The following ANO4 variants were observed in gnomAD, a reference collection of about 807,000 sequenced individuals.
The protein encoded by ANO4 is anoctamin 4, also known as anoctamin-4.
In ANO4, 69 loss-of-function variants were observed where a neutral mutation model predicts 141.9. The ratio of observed to expected loss-of-function variants is 0.49; its 90% CI spans 0.40 to 0.59. The LOEUF (loss-of-function observed/expected upper bound fraction) is 0.59. Ranked by LOEUF, ANO4 falls within the 20% of genes least tolerant of loss-of-function variation. The pLI, the probability that ANO4 is intolerant of heterozygous loss-of-function variation, is 0.00. For missense variants in ANO4, 894 were observed against 1,162.2 expected, an observed-to-expected ratio of 0.77 and a Z score of 3.36; for synonymous variants, 350 against 394.3, an observed-to-expected ratio of 0.89 and a Z score of 1.33.
chr12:100,898,556 A>AT (rs2040447593), intron 1 of ANO4, among the ~76,000 whole-genome samples: 1 of 152,036 alleles, frequency 6.6e-6, no homozygotes, highest in Non-Finnish European at 1.5e-5. Context: ...TTCTTGAATT[A>AT]TTTTTTATTT....
chr12:101,064,601 C>T (rs998582906), intron 14 of ANO4, among the ~76,000 whole-genome samples: 10 of 151,674 alleles, frequency 6.6e-5, no homozygotes, highest in Admixed American at 6.6e-4. Context: ...ACCACCATGG[C>T]ACATGTATAC....
At chr12:100,729,170 TG>T (rs1368510354) in intron 1 of ANO4, among the ~76,000 whole-genome samples, 1 of 152,034 alleles carries the variant, frequency 6.6e-6, no homozygotes, top group Non-Finnish European at 1.5e-5. Context: ...TTCCATATTT[TG>T]CTTGTGAGAC....
At chr12:100,940,231 A>C (rs1227858547) in intron 4 of ANO4, among the ~76,000 whole-genome samples, 1 of 152,014 alleles carries the variant, frequency 6.6e-6, no homozygotes, top group East Asian at 1.9e-4. Context: ...TTAAAAAAAA[A>C]CACTCATTCT....
chr12:101,071,338 TAAAAA>T (rs541823846), intron 14 of ANO4, among the ~76,000 whole-genome samples: 2 of 137,858 alleles, frequency 1.5e-5, no homozygotes, highest in Admixed American at 7.3e-5. Flanking sequence ...AGTCAGCCAT[TAAAAA>T]AAAAAAAAAG....
At chr12:101,003,599 G>T (rs1293565836) in intron 8 of ANO4, among the ~76,000 whole-genome samples, 3 of 152,088 alleles carry the variant, frequency 2.0e-5, no homozygotes, top group African/African-American at 7.2e-5. Context: ...TGTCACATTC[G>T]CATGGCACAT....
At chr12:100,958,541 G>C (rs1178645578) in intron 5 of ANO4, among the ~76,000 whole-genome samples, 2 of 152,166 alleles carry the variant, frequency 1.3e-5, no homozygotes, top group Admixed American at 6.5e-5. Flanking sequence ...AAATAATACA[G>C]TATGTTAGAA....
At chr12:100,989,551 GTGGATGGATGGATGGA>G (rs377197749) in intron 8 of ANO4, among the ~76,000 whole-genome samples, 17 of 144,646 alleles carry the variant, frequency 1.2e-4, no homozygotes, top group Non-Finnish European at 1.8e-4. Context: ...GGGTGGGTGG[GTGGATGGATGGATGGA>G]TGGATGGATG....
chr12:100,950,038 A>G (rs2042905801), intron 5 of ANO4, among the ~76,000 whole-genome samples: 1 of 152,138 alleles, frequency 6.6e-6, no homozygotes, highest in South Asian at 2.1e-4. Flanking sequence ...CCCCATTTAT[A>G]TACTGCAGCC....
chr12:101,000,243 C>G (rs1467550110), intron 8 of ANO4, among the ~76,000 whole-genome samples: 1 of 152,144 alleles, frequency 6.6e-6, no homozygotes, highest in Non-Finnish European at 1.5e-5. Context: ...TGCAAAGGCT[C>G]ATAACTGACC....
intron 26 of ANO4, among the ~76,000 whole-genome samples, chr12:101,123,694 C>T (rs988027571): frequency 1.3e-5 from 2 of 152,098 alleles, no homozygotes; most frequent in Non-Finnish European, 2.9e-5. Flanking sequence ...TGTATATGTA[C>T]CACATTTTTT....
intron 5 of ANO4, among the ~76,000 whole-genome samples, chr12:100,949,358 G>A (rs2042876899): frequency 6.6e-6 from 1 of 152,216 alleles, no homozygotes; most frequent in Admixed American, 6.5e-5. Flanking sequence ...CACATTCTGA[G>A]TGTTCATTTG....
chr12:100,731,945 G>A (rs999756559), intron 1 of ANO4, among the ~76,000 whole-genome samples: 3 of 152,144 alleles, frequency 2.0e-5, no homozygotes, highest in African/African-American at 7.2e-5. Flanking sequence ...TATGAATAAA[G>A]CTGCTAGGAT....
At chr12:101,009,246 C>A (rs1425456859) in intron 8 of ANO4, among the ~76,000 whole-genome samples, 4 of 152,048 alleles carry the variant, frequency 2.6e-5, no homozygotes. Context: ...GACATACACA[C>A]AGAGAAGATC....
chr12:100,777,091 GA>G, intron 3 of ANO4, among the ~76,000 whole-genome samples: 1 of 118,754 alleles, frequency 8.4e-6, no homozygotes, highest in Admixed American at 1.1e-4. Flanking sequence ...CAGATATCCT[GA>G]TTTTTTTTTT....
chr12:101,097,219 G>A (rs565766146), intron 19 of ANO4, among the ~76,000 whole-genome samples: 7 of 152,202 alleles, frequency 4.6e-5, no homozygotes, highest in Admixed American at 1.3e-4. Context: ...GTTTTGGTGA[G>A]ATCAACACAG....
At chr12:101,015,112 T>C (rs561175191) in intron 8 of ANO4, among the ~76,000 whole-genome samples, 111 of 151,986 alleles carry the variant, frequency 7.3e-4, no homozygotes, top group Non-Finnish European at 2.8e-4. Context: ...CATCAGCTAC[T>C]GCACCCAGCC....
At chr12:100,932,564 G>T (rs1045293007) in intron 3 of ANO4, among the ~76,000 whole-genome samples, 2 of 151,852 alleles carry the variant, frequency 1.3e-5, no homozygotes, top group African/African-American at 2.4e-5. Context: ...TTATCCATAG[G>T]GTATTAACAA....
chr12:100,806,071 A>G (rs1026032022), intron 1 of ANO4, among the ~76,000 whole-genome samples: 2 of 152,194 alleles, frequency 1.3e-5, no homozygotes, highest in South Asian at 2.1e-4. Context: ...TGTAGTGTAG[A>G]CAGGCTACAG....
intron 8 of ANO4, among the ~76,000 whole-genome samples, chr12:100,997,590 CAGGGAAAA>C (rs1009725166): frequency 2.4e-4 from 37 of 151,926 alleles, no homozygotes; most frequent in African/African-American, 7.7e-4. Flanking sequence ...CATTCAAGTT[CAGGGAAAA>C]AGTAGGCTCA....
Sources: allele counts gnomAD v4.1 joint callset (sites outside exome capture counted in the v4.1 genomes callset), GRCh38; gene constraint gnomAD v4.1.1; transcripts MANE v1.5; gene names NCBI Gene and HGNC (gene_info 2026-07-23, HGNC 2026-07-21).